The following SGCZ variants were observed in gnomAD, a reference collection of about 807,000 sequenced individuals.
SGCZ encodes the protein sarcoglycan zeta.
In SGCZ, 40 loss-of-function variants were observed where a neutral mutation model predicts 41.3. That is an observed-to-expected ratio of 0.97 (90% CI 0.75 to 1.26). SGCZ has a LOEUF of 1.26. Ranked by LOEUF, SGCZ falls within the 50% of genes most tolerant of loss-of-function variation. SGCZ has a pLI of 0.00. For synonymous variants in SGCZ, 206 were observed against 137.5 expected (o/e 1.50, Z -3.49); for missense variants, 552 against 369.8 (o/e 1.49, Z -4.04).
intron 1 of SGCZ, among the ~76,000 whole-genome samples, chr8:14,802,096 G>A (rs933457871): frequency 2.0e-5 from 3 of 152,168 alleles, no homozygotes; most frequent in Non-Finnish European, 4.4e-5. Context: ...GACGGGTTGC[G>A]TTAACTATGA....
At chr8:14,519,274 G>C (rs938010638) in intron 2 of SGCZ, among the ~76,000 whole-genome samples, 5 of 152,038 alleles carry the variant, frequency 3.3e-5, no homozygotes, top group African/African-American at 1.2e-4. Flanking sequence ...GTTATGTGCA[G>C]TATCAAAATG....
rs565061131 is a variant in SGCZ, at chr8:14,608,851, A to G, written c.40-53925T>C. Among the ~76,000 whole-genome samples, 13 of 152,280 alleles carry G rather than the reference A, an allele frequency of 8.5e-5. No homozygotes were observed. In the East Asian group the frequency reaches 1.5e-3, roughly 18 times the overall value. ...GTATCATTTTAAGCTTTTGAAAAAAAATGACAAAAAAAAGGTCCAACTTTT... is the reference window on the plus strand; with the variant it reads ...GTATCATTTTAAGCTTTTGAAAAAAGATGACAAAAAAAAGGTCCAACTTTT... On this transcript the variant is annotated intron_variant, in intron 1 of 7. Coordinates refer to ENST00000382080, the MANE Select transcript of SGCZ (RefSeq NM_139167.4).
intron 3 of SGCZ, among the ~76,000 whole-genome samples, chr8:14,285,585 A>G (rs1399676320): frequency 1.1e-4 from 1 of 9,414 alleles, no homozygotes. Flanking sequence ...TTTATGTGTT[A>G]AAAATAAAAC....
intron 1 of SGCZ, among the ~76,000 whole-genome samples, chr8:14,651,040 T>C (rs908808775): frequency 1.3e-5 from 2 of 152,044 alleles, no homozygotes; most frequent in Non-Finnish European, 2.9e-5. Flanking sequence ...TGTAATCATC[T>C]TTATCCCTAG....
chr8:14,512,381 T>C (rs2054357), intron 2 of SGCZ, among the ~76,000 whole-genome samples: 8,662 of 152,228 alleles, frequency 0.057, 327 homozygotes, highest in African/African-American at 0.1. Flanking sequence ...TGCCTTAGTT[T>C]ATTTTCCATT....
intron 4 of SGCZ, among the ~76,000 whole-genome samples, chr8:14,191,680 G>T (rs1805107667): frequency 6.6e-6 from 1 of 152,144 alleles, no homozygotes; most frequent in Non-Finnish European, 1.5e-5. Flanking sequence ...ACTTGAGATT[G>T]TATCACTAAA....
intron 1 of SGCZ, among the ~76,000 whole-genome samples, chr8:15,231,870 C>T (rs528954046): frequency 1.3e-5 from 2 of 152,170 alleles, no homozygotes; most frequent in African/African-American, 4.8e-5. Flanking sequence ...GATCCACCTG[C>T]CTTGGCCTTC....
intron 3 of SGCZ, among the ~76,000 whole-genome samples, chr8:14,275,420 G>C (rs1171254580): frequency 6.6e-6 from 1 of 152,000 alleles, no homozygotes; most frequent in Non-Finnish European, 1.5e-5. Flanking sequence ...TAAAGGCTTC[G>C]AACAGCCCCT....
chr8:14,872,704 T>G (rs998089467), intron 1 of SGCZ, among the ~76,000 whole-genome samples: 2 of 152,134 alleles, frequency 1.3e-5, no homozygotes, highest in Non-Finnish European at 2.9e-5. Context: ...AACTAACTTG[T>G]CTTTCTTGGA....
At chr8:15,154,475 T>A (rs1309037710) in intron 1 of SGCZ, among the ~76,000 whole-genome samples, 1 of 151,932 alleles carries the variant, frequency 6.6e-6, no homozygotes, top group African/African-American at 2.4e-5. Flanking sequence ...TTAGAGAGGG[T>A]CACCAGAGAG....
chr8:15,130,561 C>T (rs972703937), intron 1 of SGCZ, among the ~76,000 whole-genome samples: 1 of 152,200 alleles, frequency 6.6e-6, no homozygotes, highest in Non-Finnish European at 1.5e-5. Flanking sequence ...TCCCAGCAGG[C>T]TGGCATTCCG....
At chr8:15,074,087 T>C (rs964187845) in intron 1 of SGCZ, among the ~76,000 whole-genome samples, 1 of 152,166 alleles carries the variant, frequency 6.6e-6, no homozygotes, top group African/African-American at 2.4e-5. Flanking sequence ...TATAGGAGCA[T>C]TGTGGCCTAA....
At chr8:14,382,372 C>T (rs61041135) in intron 2 of SGCZ, among the ~76,000 whole-genome samples, 6,926 of 151,872 alleles carry the variant, frequency 0.046, 505 homozygotes, top group African/African-American at 0.16. Context: ...AAAACTGAGG[C>T]CTCAGAAATA....
chr8:14,510,109 G>C (rs1802425484), intron 2 of SGCZ, among the ~76,000 whole-genome samples: 1 of 152,040 alleles, frequency 6.6e-6, no homozygotes, highest in South Asian at 2.1e-4. Context: ...GCAGAACAAA[G>C]ACTTTCAAGA....
chr8:15,101,927 G>C (rs1366791114), intron 1 of SGCZ, among the ~76,000 whole-genome samples: 1 of 152,128 alleles, frequency 6.6e-6, no homozygotes, highest in East Asian at 1.9e-4. Flanking sequence ...TGTCTAAAAA[G>C]AAAAAGAATA....
chr8:14,639,038 C>CTTTTTTT (rs148778266), intron 1 of SGCZ, among the ~76,000 whole-genome samples: 1 of 137,614 alleles, frequency 7.3e-6, no homozygotes. Flanking sequence ...AAACTGGAAT[C>CTTTTTTT]TTTTTTTTTT....
At chr8:14,524,707 C>A (rs959709230) in intron 2 of SGCZ, among the ~76,000 whole-genome samples, 1 of 152,066 alleles carries the variant, frequency 6.6e-6, no homozygotes. Context: ...TTGAACAAAC[C>A]TTCTCTGCAC....
At chr8:14,909,812 T>A (rs1328127816) in intron 1 of SGCZ, among the ~76,000 whole-genome samples, 1 of 152,114 alleles carries the variant, frequency 6.6e-6, no homozygotes, top group East Asian at 1.9e-4. Context: ...TAGTTAAAAG[T>A]GTCCCTCAAT....
At chr8:14,634,715 C>T (rs1012421803) in intron 1 of SGCZ, among the ~76,000 whole-genome samples, 10 of 151,768 alleles carry the variant, frequency 6.6e-5, no homozygotes, top group Non-Finnish European at 1.0e-4. Flanking sequence ...CAGACACATA[C>T]GGAAATCACA....
Sources: gnomAD v4.1 joint callset for allele counts (sites outside exome capture counted in the v4.1 genomes callset) on GRCh38, gnomAD v4.1.1 for gene constraint, MANE v1.5 for transcripts, NCBI Gene and HGNC (gene_info 2026-07-23, HGNC 2026-07-21) for gene names.